SVOPL: variants seen among roughly 807,000 people sequenced by gnomAD.
SVOPL encodes the protein putative transporter SVOPL.
A neutral mutation model predicts 61.0 loss-of-function variants in SVOPL; 60 were observed. That is an observed-to-expected ratio of 0.98 (90% CI 0.80 to 1.22). SVOPL has a LOEUF of 1.22. Ranked by LOEUF, SVOPL falls within the 50% of genes most tolerant of loss-of-function variation. SVOPL has a pLI of 0.00. For missense variants in SVOPL, 662 were observed against 643.9 expected (o/e 1.03, Z -0.30); for synonymous variants, 279 against 250.0 (o/e 1.12, Z -1.09).
At chr7:138,653,495 C>T (rs75287190) in intron 7 of SVOPL, among the ~76,000 whole-genome samples, 1,800 of 152,168 alleles carry the variant, frequency 0.012, 36 homozygotes, top group African/African-American at 0.042. Flanking sequence ...ATCCTAGGGC[C>T]CTTAAGAATT....
chr7:138,679,073 A>G lies in SVOPL; in HGVS notation c.-28T>C. 6.5e-7 allele frequency: 1 copy of G among 1,544,686 alleles called. No homozygotes were observed. Among genetic ancestry groups the G allele is most frequent in the Middle Eastern group, 1.7e-4 (1 of 5,968 alleles). ...TCTAAATAGCTCAAGTTCCCCAAAC[A>G]GCTTCCCTGGTGGAAGCAAGGGAGG... On this transcript the variant is annotated 5_prime_UTR_variant, in exon 2 of 16. Transcript: ENST00000674285.
intron 1 of SVOPL, among the ~76,000 whole-genome samples, chr7:138,699,836 C>T (rs75374551): frequency 1.3e-5 from 2 of 152,192 alleles, no homozygotes; most frequent in Admixed American, 1.3e-4. Context: ...ACTTGTAACA[C>T]TGGTCTTCCC....
chr7:138,658,716 A>C (rs1801863485), intron 6 of SVOPL, among the ~76,000 whole-genome samples: 1 of 152,176 alleles, frequency 6.6e-6, no homozygotes, highest in Non-Finnish European at 1.5e-5. Context: ...CCTCACCATC[A>C]AGCATCATTT....
chr7:138,664,031 C>T (rs142506414), intron 4 of SVOPL, among the ~76,000 whole-genome samples: 1 of 152,144 alleles, frequency 6.6e-6, no homozygotes, highest in Non-Finnish European at 1.5e-5. Flanking sequence ...GTCCTGCACG[C>T]TACACTTTCT....
chr7:138,700,679 AGGATGGATGGATGGATGGAT>A (rs35740951), intron 1 of SVOPL, among the ~76,000 whole-genome samples: 1 of 148,822 alleles, frequency 6.7e-6, no homozygotes, highest in Non-Finnish European at 1.5e-5. Context: ...ACCCAGTAAG[AGGATGGATGGATGGATGGAT>A]GGATGGATGG....
intron 14 of SVOPL, among the ~76,000 whole-genome samples, chr7:138,619,409 GA>G (rs199944029): frequency 4.4e-4 from 63 of 144,576 alleles, no homozygotes; most frequent in Non-Finnish European, 5.6e-4. Context: ...TCTGGAAAAA[GA>G]AAAAAAAAAT....
intron 14 of SVOPL, among the ~76,000 whole-genome samples, chr7:138,606,708 C>G (rs1351130802): frequency 1.3e-5 from 2 of 152,144 alleles, no homozygotes; most frequent in Non-Finnish European, 2.9e-5. Context: ...AATCCCAGCA[C>G]TTTGGGAGGC....
intron 14 of SVOPL, among the ~76,000 whole-genome samples, chr7:138,598,367 G>A (rs1271201721): frequency 6.6e-6 from 1 of 152,074 alleles, no homozygotes; most frequent in Non-Finnish European, 1.5e-5. Flanking sequence ...AGGAAAAATA[G>A]ACATCCACAA....
chr7:138,687,436 A>G (rs112363009), intron 1 of SVOPL, among the ~76,000 whole-genome samples: 4,126 of 151,560 alleles, frequency 0.027, 105 homozygotes, highest in South Asian at 0.1. Context: ...GGGTTTTGCC[A>G]TGTTGGCCAG....
intron 1 of SVOPL, among the ~76,000 whole-genome samples, chr7:138,697,076 T>A (rs987347034): frequency 6.6e-6 from 1 of 152,144 alleles, no homozygotes; most frequent in Non-Finnish European, 1.5e-5. Flanking sequence ...ATGTTCATTT[T>A]AAAACTGTTA....
intron 14 of SVOPL, among the ~76,000 whole-genome samples, chr7:138,602,441 CTATA>C (rs59400217): frequency 0.013 from 1,862 of 140,558 alleles, 16 homozygotes; most frequent in East Asian, 0.049. Context: ...AAGGCAGTTG[CTATA>C]TATATATATA....
chr7:138,622,066 CTATG>C (rs1799634797), intron 13 of SVOPL, among the ~76,000 whole-genome samples: 14 of 38,152 alleles, frequency 3.7e-4, no homozygotes, highest in African/African-American at 1.1e-3. Context: ...ATCTATCTAT[CTATG>C]TATCTATCTA....
chr7:138,631,220 G>A (rs1174937067), intron 9 of SVOPL, among the ~76,000 whole-genome samples: 1 of 152,064 alleles, frequency 6.6e-6, no homozygotes, highest in African/African-American at 2.4e-5. Context: ...TGTGGGGCAC[G>A]TAGTAGGTAT....
intron 13 of SVOPL, among the ~76,000 whole-genome samples, chr7:138,621,794 CTATCTATGTATCTATCTATG>C (rs1799575416): frequency 7.4e-6 from 1 of 135,020 alleles, no homozygotes; most frequent in African/African-American, 3.0e-5. Context: ...ATCTATCTAT[CTATCTATGTATCTATCTATG>C]TATCTATGTA....
chr7:138,630,830 C>T (rs2116926125), intron 9 of SVOPL, among the ~76,000 whole-genome samples: 1 of 152,036 alleles, frequency 6.6e-6, no homozygotes, highest in South Asian at 2.1e-4. Flanking sequence ...GTAATCCCAG[C>T]TACTCAGGAG....
chr7:138,632,336 A>G (rs183741823), intron 9 of SVOPL, among the ~76,000 whole-genome samples: 44 of 152,356 alleles, frequency 2.9e-4, no homozygotes, highest in African/African-American at 1.0e-3. Flanking sequence ...CTGGAGGCTG[A>G]GGCAGGAGAC....
At chr7:138,655,748 T>A (rs1362321847) in intron 7 of SVOPL, among the ~76,000 whole-genome samples, 2 of 151,144 alleles carry the variant, frequency 1.3e-5, no homozygotes, top group Admixed American at 6.6e-5. Context: ...ATTCATTTAT[T>A]ACTGTAATAT....
In SVOPL at chr7:138,680,236, C is replaced by A. The variant is rs531213222; in HGVS notation, c.-34-1157G>T. ...CCAGACTGGAGTGCAGTGGCACGAT[C>A]TCGGCTCACTGCAACCTCCGCCTAC... is the stretch of plus-strand genomic sequence containing the variant. On this transcript the variant is annotated intron_variant, in intron 1 of 15. Coordinates refer to ENST00000674285, the MANE Select transcript of SVOPL (RefSeq NM_001139456.2). 3.3e-4 allele frequency among the ~76,000 whole-genome samples: 48 copies of A among 146,528 alleles called. No individual in the cohort carries two copies. In the South Asian group the frequency reaches 9.0e-3, roughly 28 times the overall value.
chr7:138,640,604 T>A (rs534911873), intron 9 of SVOPL, among the ~76,000 whole-genome samples: 177 of 152,302 alleles, frequency 1.2e-3, no homozygotes, highest in African/African-American at 3.7e-3. Flanking sequence ...TGAAATCATG[T>A]CCTTTACAAC....
Sources: gnomAD v4.1 joint callset for allele counts (sites outside exome capture counted in the v4.1 genomes callset) on GRCh38, gnomAD v4.1.1 for gene constraint, MANE v1.5 for transcripts, NCBI Gene and HGNC (gene_info 2026-07-23, HGNC 2026-07-21) for gene names.